Variants in DHCR24 observed in about 807,000 individuals in gnomAD.
DHCR24 encodes the protein 24-dehydrocholesterol reductase.
A neutral mutation model predicts 61.2 loss-of-function variants in DHCR24; 28 were observed. The observed-to-expected ratio is 0.46, with a 90% CI of 0.34 to 0.63. The LOEUF is 0.63. Ranked by LOEUF, DHCR24 falls within the 20% of genes least tolerant of loss-of-function variation. The probability of loss-of-function intolerance (pLI) is 0.01; values close to 1 mark genes in which losing one functional copy is unlikely to be tolerated. For missense variants in DHCR24, 538 were observed against 679.1 expected, an observed-to-expected ratio of 0.79 and a Z score of 2.31; for synonymous variants, 261 against 275.9, an observed-to-expected ratio of 0.95 and a Z score of 0.54.
rs1557436308 is a variant in DHCR24 at position 54,871,581 on chromosome 1, G to C, written c.645C>G (p.Pro215=). ...SENSDLFYAV[P]WSCGTLGFLV... is the part of the protein sequence containing the mutation. ...GGAAACCCAGCGTCCCACAGGACCA[G>C]GGTACGGCATAGAACAGGTCTGAGT... Residue 215 remains proline (P), a synonymous_variant, in exon 5 of 9, where the codon CCC becomes CCG. Coordinates refer to ENST00000371269, the MANE Select transcript of DHCR24 (RefSeq NM_014762.4). The C allele has an allele frequency of 4.3e-6, 7 of 1,614,102 alleles. No homozygotes were observed. The Admixed American group carries it at 1.2e-4, about 27-fold the overall frequency.
chr1:54,860,427 G>C (rs1034243160), intron 6 of DHCR24, among the ~76,000 whole-genome samples: 6 of 152,096 alleles, frequency 3.9e-5, no homozygotes, highest in African/African-American at 1.4e-4. Flanking sequence ...TCTTTAAGTG[G>C]TATCATTTTC....
At chr1:54,864,019 A>G (rs1646953440) in intron 6 of DHCR24, among the ~76,000 whole-genome samples, 1 of 152,230 alleles carries the variant, frequency 6.6e-6, no homozygotes, top group Non-Finnish European at 1.5e-5. Context: ...GGCTATAATA[A>G]TAATACTAAT....
chr1:54,865,181 A>C lies in DHCR24; in HGVS notation c.1020+122T>G, dbSNP rs746535704. ...GTGTTGCTGCTTAAGAAGGCATTGC[A>C]GTTCCTTAGGACAAAGCCACTCTTT... On this transcript the variant is annotated intron_variant, in intron 6 of 8. Transcript: ENST00000371269. 3 of 1,218,054 alleles carry C rather than the reference A, an allele frequency of 2.5e-6. No homozygotes were observed. In the African/African-American group the frequency reaches 4.5e-5, roughly 18 times the overall value. The allele number at this position is 1,218,054 out of a possible 1,614,324, so 75.5% of individuals were successfully genotyped here.
At chr1:54,853,356 A>T in intron 8 of DHCR24, 78 bp downstream of exon 8, 1 of 1,577,924 alleles carries the variant, frequency 6.3e-7, no homozygotes, top group Non-Finnish European at 8.7e-7. Context: ...GGTTCTCCAT[A>T]GAGCTGGCCT....
intron 6 of DHCR24, among the ~76,000 whole-genome samples, chr1:54,859,385 C>CTA (rs771257156): frequency 1.2e-4 from 18 of 152,212 alleles, no homozygotes; most frequent in Non-Finnish European, 2.4e-4. Flanking sequence ...GCTTTAATCT[C>CTA]TAACTTTTGG....
At chr1:54,861,452 C>T (rs1280003713) in intron 6 of DHCR24, among the ~76,000 whole-genome samples, 1 of 152,106 alleles carries the variant, frequency 6.6e-6, no homozygotes, top group East Asian at 1.9e-4. Flanking sequence ...CAGCCATCAC[C>T]GCCTCTCTTC....
intron 6 of DHCR24, among the ~76,000 whole-genome samples, chr1:54,861,835 C>T (rs1480665979): frequency 1.3e-5 from 2 of 152,130 alleles, no homozygotes; most frequent in Non-Finnish European, 2.9e-5. Flanking sequence ...TCCCACTCTC[C>T]GAGGGACAGC....
intron 1 of DHCR24, chr1:54,886,639 CT>C (rs1557441881): frequency 5.4e-6 from 8 of 1,492,636 alleles, no homozygotes. Context: ...GCACCTCCCC[CT>C]CTTCCCCTTC....
chr1:54,870,129 G>A (rs1322249062), intron 5 of DHCR24, among the ~76,000 whole-genome samples: 1 of 151,980 alleles, frequency 6.6e-6, no homozygotes, highest in Non-Finnish European at 1.5e-5. Context: ...GGCTAAGGCA[G>A]GAGGATTGCT....
rs1197182071 is a variant in DHCR24, at chr1:54,883,570, G to A, written c.387+48C>T. The A allele has an allele frequency of 1.9e-6, 3 of 1,612,386 alleles. No homozygotes were observed. The highest frequency in any genetic ancestry group is 2.2e-5 in the East Asian group (1 of 44,876). ...TCTCCCTATGAGTCACTTGCACCAG[G>A]GGCAGTGCCCCACCTGCTCCCAGAG... On this transcript the variant is annotated intron_variant, in intron 2 of 8. Coordinates refer to ENST00000371269, the MANE Select transcript of DHCR24 (RefSeq NM_014762.4). This position sits in a 1 kb window ranked among gnomAD's most constrained non-coding sequence, Gnocchi z 4.3.
intron 6 of DHCR24, among the ~76,000 whole-genome samples, chr1:54,860,575 A>G (rs977599952): frequency 1.3e-5 from 2 of 152,000 alleles, no homozygotes; most frequent in African/African-American, 2.4e-5. Context: ...TGTGCCCAAT[A>G]CCTCCTCTGA....
chr1:54,865,867 C>T (rs980109974), intron 5 of DHCR24, among the ~76,000 whole-genome samples: 2 of 148,914 alleles, frequency 1.3e-5, no homozygotes, highest in Admixed American at 6.7e-5. Context: ...CTCAGTGCAA[C>T]CCAGGGCTCA....
At chr1:54,867,866 C>T (rs970679390) in intron 5 of DHCR24, among the ~76,000 whole-genome samples, 6 of 152,168 alleles carry the variant, frequency 3.9e-5, no homozygotes, top group African/African-American at 1.4e-4. Context: ...GTTCCAGGAC[C>T]TCCAGCACTT....
intron 2 of DHCR24, among the ~76,000 whole-genome samples, chr1:54,879,322 G>T (rs1647051996): frequency 1.8e-5 from 2 of 108,536 alleles, no homozygotes; most frequent in Non-Finnish European, 3.5e-5. Context: ...GACTCCATCT[G>T]AAAAAAAAAA....
Position 54,886,972 on chromosome 1 carries a change from A to G in DHCR24, c.148T>C (p.Tyr50His), listed in dbSNP as rs572248791. The change falls in exon 1 of 9, where the codon TAC (tyrosine) becomes CAC (histidine). Residue 50 changes from tyrosine (Y) to histidine (H), a missense_variant. Tyr to His is a moderately conservative substitution (Grantham distance 83, BLOSUM62 2). Transcript: ENST00000371269. ...LPLSLIFDIY[Y>H]YVRAWVVFKL... ...AACACCACCCAGGCGCGCACGTAGTAGTAGATATCGAAGATAAGCGAGAGC... is the reference window on the plus strand; with the variant it reads ...AACACCACCCAGGCGCGCACGTAGTGGTAGATATCGAAGATAAGCGAGAGC... 1.2e-6 allele frequency: 2 copies of G among 1,613,604 alleles called. No individual in the cohort carries two copies. The highest frequency in any genetic ancestry group is 1.7e-6 in the Non-Finnish European group (2 of 1,179,726).
chr1:54,882,782 GA>G (rs1436730213), intron 2 of DHCR24, among the ~76,000 whole-genome samples: 49 of 152,038 alleles, frequency 3.2e-4, no homozygotes, highest in Admixed American at 1.3e-4. Flanking sequence ...ATAAACTCTA[GA>G]ATCAAACTAA....
intron 1 of DHCR24, 94 bp downstream of exon 1, chr1:54,886,795 C>G: frequency 6.5e-7 from 1 of 1,546,724 alleles, no homozygotes. Context: ...CCTGGCCGCC[C>G]CCGCACCGCA....
Position 54,852,350 on chromosome 1 carries a change from C to A in DHCR24, c.1434G>T (p.Arg478=), listed in dbSNP as rs1473284749. The A allele has an allele frequency of 6.2e-7, 1 of 1,614,176 alleles. No homozygotes were observed. The highest frequency in any genetic ancestry group is 1.1e-5 in the South Asian group (1 of 91,080). Residue 478 remains arginine, a synonymous_variant, in exon 9 of 9, where the codon CGG becomes CGT. Transcript: ENST00000371269. ...CATCAAACATCTCCCAGAACTCCTCCCGGTTCATGTAGCAGTCGGCATACA... is the reference window on the plus strand; with the variant it reads ...CATCAAACATCTCCCAGAACTCCTCACGGTTCATGTAGCAGTCGGCATACA... ...QMLYADCYMN[R]EEFWEMFDGS...
chr1:54,881,213 T>C (rs1234510769), intron 2 of DHCR24, among the ~76,000 whole-genome samples: 1 of 152,176 alleles, frequency 6.6e-6, no homozygotes, highest in Non-Finnish European at 1.5e-5. Flanking sequence ...TGAGAAAATA[T>C]TTGCAAATCA....
Sources: gnomAD v4.1 joint callset for allele counts (sites outside exome capture counted in the v4.1 genomes callset) on GRCh38, gnomAD v4.1.1 for gene constraint, Gnocchi (gnomAD v3.1) non-coding constraint, MANE v1.5 for transcripts, NCBI Gene and HGNC (gene_info 2026-07-23, HGNC 2026-07-21) for gene names.